DHRSX: variants seen among roughly 807,000 people sequenced by gnomAD.
DHRSX encodes dehydrogenase/reductase X-linked, also known as polyprenol dehydrogenase.
Under a neutral mutation model 34.0 loss-of-function variants are expected in DHRSX, and 31 were observed. That is an observed-to-expected ratio of 0.91 (90% CI 0.69 to 1.23). The LOEUF is 1.23. Among genes scored for constraint, DHRSX ranks in the 50% most tolerant of loss-of-function variants. DHRSX has a pLI of 0.00. For missense variants in DHRSX, 414 were observed against 428.1 expected (o/e 0.97, Z 0.29); for synonymous variants, 201 against 183.8 (o/e 1.09, Z -0.76).
intron 5 of DHRSX, among the ~76,000 whole-genome samples, chrX:2,244,302 C>CCT (rs780533250): frequency 2.7e-4 from 41 of 150,624 alleles, no homozygotes; most frequent in African/African-American, 6.1e-4. Flanking sequence ...GAGTAACGTG[C>CCT]CTCTCTCTCT....
intron 3 of DHRSX, among the ~76,000 whole-genome samples, chrX:2,408,066 C>T (rs1050897279): frequency 2.0e-5 from 3 of 151,886 alleles, no homozygotes; most frequent in African/African-American, 7.3e-5. Flanking sequence ...AGCACCTGGT[C>T]GAAAATCTTA....
intron 5 of DHRSX, among the ~76,000 whole-genome samples, chrX:2,263,013 T>C (rs1348760038): frequency 6.6e-6 from 1 of 152,242 alleles, no homozygotes; most frequent in Non-Finnish European, 1.5e-5. Flanking sequence ...CTCGTAGTCC[T>C]GAGGGTACTC....
intron 3 of DHRSX, among the ~76,000 whole-genome samples, chrX:2,315,415 CAGACTT>C (rs1443419038): frequency 6.6e-6 from 1 of 152,142 alleles, no homozygotes; most frequent in African/African-American, 2.4e-5. Context: ...AGAACATAAA[CAGACTT>C]AGACTAAGGT....
chrX:2,430,253 C>G (rs1167189238), intron 1 of DHRSX, among the ~76,000 whole-genome samples: 2 of 74,244 alleles, frequency 2.7e-5, no homozygotes, highest in Admixed American at 1.6e-4. Context: ...AGCGAGACCC[C>G]AGCTCAAAAA....
At chrX:2,476,007 T>C (rs1304255163) in intron 1 of DHRSX, among the ~76,000 whole-genome samples, 2 of 152,162 alleles carry the variant, frequency 1.3e-5, no homozygotes, top group Non-Finnish European at 1.5e-5. Context: ...GTCTTTAACA[T>C]ACAAAATCAG....
At chrX:2,489,540 T>C (rs1285887970) in intron 1 of DHRSX, 2 of 1,612,928 alleles carry the variant, frequency 1.2e-6, no homozygotes, top group Non-Finnish European at 1.7e-6. Flanking sequence ...AGCCCCTCGA[T>C]GGTGGCCCAC....
At chrX:2,251,941 G>C (rs761008005) in intron 5 of DHRSX, among the ~76,000 whole-genome samples, 2 of 152,132 alleles carry the variant, frequency 1.3e-5, no homozygotes, top group East Asian at 3.9e-4. Context: ...GCATAATAAA[G>C]AGATTGGAAG....
At chrX:2,364,628 A>C (rs2042976549) in intron 3 of DHRSX, among the ~76,000 whole-genome samples, 1 of 152,102 alleles carries the variant, frequency 6.6e-6, no homozygotes, top group Non-Finnish European at 1.5e-5. Flanking sequence ...TCAAGCATCT[A>C]CTTATCTATC....
At chrX:2,446,662 T>G (rs2044140696) in intron 1 of DHRSX, among the ~76,000 whole-genome samples, 1 of 149,176 alleles carries the variant, frequency 6.7e-6, no homozygotes, top group Non-Finnish European at 1.5e-5. Flanking sequence ...ACTGAAGAAG[T>G]TCCCTAAAAA....
chrX:2,367,248 A>G (rs1016390727), intron 3 of DHRSX, among the ~76,000 whole-genome samples: 4 of 151,348 alleles, frequency 2.6e-5, no homozygotes, highest in Non-Finnish European at 5.9e-5. Flanking sequence ...GACCAGCCTG[A>G]CCAACATGGT....
rs149759227 is a variant in DHRSX at position 2,286,033 on chromosome X, C to T, written c.388+5469G>A. ...ATCCTTTACTTCTTCTCTAAATCAACGTACATCTGGCTCAAGCCTCCAGCA... is the reference window on the plus strand; with the variant it reads ...ATCCTTTACTTCTTCTCTAAATCAATGTACATCTGGCTCAAGCCTCCAGCA... On this transcript the variant is annotated intron_variant, in intron 4 of 6. Coordinates refer to ENST00000334651, the MANE Select transcript of DHRSX (RefSeq NM_145177.3). Among the ~76,000 whole-genome samples the T allele has an allele frequency of 1.4e-3, 218 of 151,828 alleles. 4 individuals are homozygous for T. In the East Asian group the frequency reaches 0.035, roughly 24 times the overall value.
At chrX:2,362,600 G>C (rs999494883) in intron 3 of DHRSX, among the ~76,000 whole-genome samples, 1 of 152,094 alleles carries the variant, frequency 6.6e-6, no homozygotes, top group African/African-American at 2.4e-5. Flanking sequence ...TGCCTGGCCA[G>C]GTCTGCCTTA....
intron 3 of DHRSX, among the ~76,000 whole-genome samples, chrX:2,348,438 G>A (rs1204322113): frequency 1.3e-5 from 2 of 152,248 alleles, no homozygotes; most frequent in Non-Finnish European, 2.9e-5. Context: ...ATTCTGAGGC[G>A]TGCGCTCCTA....
chrX:2,343,009 C>G (rs1017616543), intron 3 of DHRSX, among the ~76,000 whole-genome samples: 31 of 152,156 alleles, frequency 2.0e-4, no homozygotes, highest in Non-Finnish European at 1.0e-4. Flanking sequence ...TAAAAACCGC[C>G]TAAATCCAGC....
Position 2,449,472 on chromosome X carries a change from T to C in DHRSX, c.110-24168A>G, listed in dbSNP as rs1163602216. Among the ~76,000 whole-genome samples, 14 of 152,204 alleles carry C rather than the reference T, an allele frequency of 9.2e-5. No homozygotes were observed. In the East Asian group the frequency reaches 2.5e-3, roughly 27 times the overall value. On this transcript the variant is annotated intron_variant, in intron 1 of 6. Transcript: ENST00000334651. ...ACATTCTGGGGGACACTGATTTTCA[T>C]ATTGAAATTTCCTATCTTTTTAAAT...
intron 2 of DHRSX, among the ~76,000 whole-genome samples, chrX:2,424,918 T>C (rs887584359): frequency 2.6e-5 from 4 of 152,092 alleles, no homozygotes; most frequent in African/African-American, 7.2e-5. Flanking sequence ...GGCAGGCGGA[T>C]GGCTTGAGCT....
chrX:2,345,193 C>A (rs954995864), intron 3 of DHRSX, among the ~76,000 whole-genome samples: 2 of 151,920 alleles, frequency 1.3e-5, no homozygotes, highest in Non-Finnish European at 2.9e-5. Flanking sequence ...TTTTATAAGT[C>A]CACTTGGCTG....
intron 6 of DHRSX, among the ~76,000 whole-genome samples, chrX:2,237,621 C>T (rs1293549312): frequency 2.0e-5 from 3 of 151,968 alleles, no homozygotes; most frequent in Non-Finnish European, 4.4e-5. Flanking sequence ...TCTCCTGCCT[C>T]AGCCTCCTGA....
chrX:2,339,928 C>T (rs1435179740), intron 3 of DHRSX, among the ~76,000 whole-genome samples: 2 of 152,030 alleles, frequency 1.3e-5, no homozygotes, highest in African/African-American at 4.8e-5. Flanking sequence ...GTTCTAGATC[C>T]TTGAGGAATC....
Sources: gnomAD v4.1 joint callset for allele counts (sites outside exome capture counted in the v4.1 genomes callset) on GRCh38, gnomAD v4.1.1 for gene constraint, MANE v1.5 for transcripts, NCBI Gene and HGNC (gene_info 2026-07-23, HGNC 2026-07-21) for gene names.